Variants in NUDT4 observed in about 807,000 individuals in gnomAD.
NUDT4 encodes the protein diphosphoinositol polyphosphate phosphohydrolase 2.
A neutral mutation model predicts 23.1 loss-of-function variants in NUDT4; 5 were observed. The ratio of observed to expected loss-of-function variants is 0.22; its 90% CI spans 0.11 to 0.46. NUDT4 has a LOEUF of 0.46. Among genes scored for constraint, NUDT4 ranks in the 20% least tolerant of loss-of-function variants. The probability of loss-of-function intolerance (pLI) is 0.99; values close to 1 mark genes in which losing one functional copy is unlikely to be tolerated. For missense variants in NUDT4, 96 were observed against 211.6 expected (o/e 0.45, Z 3.39); for synonymous variants, 50 against 79.0 (o/e 0.63, Z 1.95).
chr12:93,382,674 C>CT (rs11315217), intron 1 of NUDT4, among the ~76,000 whole-genome samples: 6,251 of 111,582 alleles, frequency 0.056, 454 homozygotes, highest in African/African-American at 0.11. Context: ...CAAAGGTAGC[C>CT]TTTTTTTTTT....
rs57594211 is a variant in NUDT4, at chr12:93,378,739, G to A, written c.99+318G>A. 3.1e-3 allele frequency: 3,316 copies of A among 1,061,250 alleles called. 83 individuals are homozygous for A. The African/African-American group carries it at 0.05, about 16-fold the overall frequency. 65.7% of individuals were successfully genotyped at this position (1,061,250 alleles called of 1,614,324 possible). A position where few individuals can be genotyped will look rare whatever the true frequency, so the allele number is the denominator to read the frequency against. On this transcript the variant is annotated intron_variant, in intron 1 of 4. Transcript: ENST00000415493. ...GTCACCATCTTAACGTGCGAATTGA[G>A]TTGAAAGCCGGATAAACCTCGAGTG...
chr12:93,387,057 G>A (rs140521584), intron 1 of NUDT4, among the ~76,000 whole-genome samples: 14,605 of 151,850 alleles, frequency 0.096, 968 homozygotes, highest in East Asian at 0.18. Flanking sequence ...TCAGCCTCCC[G>A]AGTAGCTGGG....
intron 1 of NUDT4, among the ~76,000 whole-genome samples, chr12:93,383,315 A>G (rs1255199455): frequency 6.6e-6 from 1 of 152,038 alleles, no homozygotes; most frequent in East Asian, 1.9e-4. Context: ...AGAAGTACTA[A>G]TTTTCTTAAT....
chr12:93,378,461 G>A, intron 1 of NUDT4, 40 bp downstream of exon 1: 2 of 1,510,154 alleles, frequency 1.3e-6, no homozygotes, highest in Non-Finnish European at 1.8e-6. Context: ...CCGGGGCGCC[G>A]GGGTCTAGGG....
chr12:93,395,740 A>T (rs1422037840), intron 3 of NUDT4, among the ~76,000 whole-genome samples: 4 of 151,930 alleles, frequency 2.6e-5, no homozygotes, highest in Non-Finnish European at 5.9e-5. Flanking sequence ...AATTTTTTTT[A>T]AGACAGAGTC....
At chr12:93,382,665 A>G (rs921569683) in intron 1 of NUDT4, among the ~76,000 whole-genome samples, 1 of 133,456 alleles carries the variant, frequency 7.5e-6, no homozygotes, top group East Asian at 2.2e-4. Flanking sequence ...AGTACTATCC[A>G]AAGGTAGCCT....
rs145265310 is a variant in NUDT4, at chr12:93,384,392, C to T, written c.99+5971C>T. The stretch of plus-strand genomic sequence containing the variant: ...CTATGTTGGCCAGGATGGTCTTGAT[C>T]TCCTGACCTCGTGATCTGCCCACCT... On this transcript the variant is annotated intron_variant, in intron 1 of 4. Transcript: ENST00000415493. Among the ~76,000 whole-genome samples the T allele has an allele frequency of 3.7e-3, 570 of 152,196 alleles. 4 individuals are homozygous for T. Among genetic ancestry groups the T allele is most frequent in the African/African-American group, 0.013 (547 of 41,534 alleles).
At position 93,406,817 on chromosome 12, in the gene NUDT4, G is replaced by T. The variant is rs928791062; in HGVS notation, c.*7438G>T. The stretch of plus-strand genomic sequence containing the variant: ...GCATCTGCGAATTTGGATATCCAAA[G>T]GAAGTCCTAGAACCAGTTCCCGACA... On this transcript the variant is annotated 3_prime_UTR_variant, in exon 5 of 5. Transcript: ENST00000415493. 7.9e-5 allele frequency: 12 copies of T among 152,144 alleles called. No individual in the cohort carries two copies. Among genetic ancestry groups the T allele is most frequent in the Admixed American group, 2.6e-4 (4 of 15,272 alleles). The allele number at this position is 152,144 out of a possible 1,614,324, so 9.4% of individuals were successfully genotyped here.
rs1221108034 is a variant in NUDT4, at chr12:93,406,660, AAAC to A, written c.*7284_*7286del. ...ATGTATATTTTTGTCATTATTCCTT[AAAC>A]AATAGTGTAACTATTTACATAGCAC... On this transcript the variant is annotated 3_prime_UTR_variant, in exon 5 of 5. Coordinates refer to ENST00000415493, the MANE Select transcript of NUDT4 (RefSeq NM_019094.6). 4.6e-5 allele frequency: 7 copies of A among 152,372 alleles called. No homozygotes were observed. Among genetic ancestry groups the A allele is most frequent in the East Asian group, 1.9e-4 (1 of 5,192 alleles). 9.4% of individuals were successfully genotyped at this position (152,372 alleles called of 1,614,324 possible).
Position 93,394,698 on chromosome 12 carries a change from C to T in NUDT4, c.189C>T (p.Ala63=), listed in dbSNP as rs200556107. ...MEPEEEPGGA[A]VREVYEEAGV... is the part of the protein sequence containing the mutation. ...CCGAGGAGGAACCTGGCGGTGCTGC[C>T]GTGAGGGAAGTTTATGAGGAGGTGA... is the stretch of plus-strand genomic sequence containing the variant. The change falls in exon 2 of 5, where the codon GCC becomes GCT. Residue 63 remains alanine, a synonymous_variant. Transcript: ENST00000415493. 1.9e-5 allele frequency: 30 copies of T among 1,550,100 alleles called. No homozygotes were observed. The East Asian group carries it at 2.9e-4, about 15-fold the overall frequency.
intron 3 of NUDT4, 121 bp downstream of exon 3, chr12:93,395,654 A>C: frequency 2.7e-6 from 2 of 736,378 alleles, no homozygotes; most frequent in Non-Finnish European, 4.8e-6. Flanking sequence ...GTAGGCAGTC[A>C]GTCCAGGATT....
rs1327386661 is a variant in NUDT4 at position 93,399,518 on chromosome 12, TC to T, written c.*140del. 2.3e-6 allele frequency: 1 copy of T among 428,730 alleles called. No individual in the cohort carries two copies. Among genetic ancestry groups the T allele is most frequent in the African/African-American group, 2.2e-5 (1 of 44,600 alleles). The allele number at this position is 428,730 out of a possible 1,614,324, so 26.6% of individuals were successfully genotyped here. ...GGTTTTCAAACAATTTGCATGTTTTTCAGATGCTTTCAAATCTTTTTTTAAA... is the reference window on the plus strand; with the variant it reads ...GGTTTTCAAACAATTTGCATGTTTTTAGATGCTTTCAAATCTTTTTTTAAA... On this transcript the variant is annotated 3_prime_UTR_variant, in exon 5 of 5. Coordinates refer to ENST00000415493, the MANE Select transcript of NUDT4 (RefSeq NM_019094.6).
chr12:93,403,792 G>A lies in NUDT4; in HGVS notation c.*4413G>A, dbSNP rs1019384701. 6.6e-6 allele frequency: 1 copy of A among 152,146 alleles called. No individual in the cohort carries two copies. Among genetic ancestry groups the A allele is most frequent in the East Asian group, 1.9e-4 (1 of 5,200 alleles). The allele number at this position is 152,146 out of a possible 1,614,324, so 9.4% of individuals were successfully genotyped here. A position where few individuals can be genotyped will look rare whatever the true frequency, so the allele number is the denominator to read the frequency against. Reference sequence around the variant, plus strand: ...AAGTCAGGATGAAAAGTAATCTATCGCTGGTGCTACTTTAATACCTTCCTG... The same window carrying A: ...AAGTCAGGATGAAAAGTAATCTATCACTGGTGCTACTTTAATACCTTCCTG... On this transcript the variant is annotated 3_prime_UTR_variant, in exon 5 of 5. Transcript: ENST00000415493.
At chr12:93,392,402 C>T (rs111888007) in intron 1 of NUDT4, among the ~76,000 whole-genome samples, 4,737 of 148,664 alleles carry the variant, frequency 0.032, 282 homozygotes, top group African/African-American at 0.11. Flanking sequence ...ATTACAGGTG[C>T]CTTCCACCAC....
chr12:93,387,183 C>G (rs1383885248), intron 1 of NUDT4, among the ~76,000 whole-genome samples: 2 of 152,124 alleles, frequency 1.3e-5, no homozygotes, highest in Non-Finnish European at 2.9e-5. Context: ...CCTCCTGCCT[C>G]GGCCTCCCAA....
chr12:93,404,907 G>GTAT lies in NUDT4; in HGVS notation c.*5529_*5530insATT, dbSNP rs1877717517. ...GTTTAAAATTTTTTTAATGTTTTAG[G>GTAT]TTTTTTTTTTTTTAAAAAAAATACT... On this transcript the variant is annotated 3_prime_UTR_variant, in exon 5 of 5. Coordinates refer to ENST00000415493, the MANE Select transcript of NUDT4 (RefSeq NM_019094.6). 6.9e-6 allele frequency: 1 copy of GTAT among 143,968 alleles called. No homozygotes were observed. Among genetic ancestry groups the GTAT allele is most frequent in the South Asian group, 2.2e-4 (1 of 4,528 alleles). 8.9% of individuals were successfully genotyped at this position (143,968 alleles called of 1,614,324 possible).
intron 1 of NUDT4, chr12:93,380,906 T>C (rs1875615590): frequency 6.6e-6 from 1 of 152,186 alleles, no homozygotes; most frequent in African/African-American, 2.4e-5. Flanking sequence ...AAGATTTAAA[T>C]GTATGTTTTG....
At position 93,400,378 on chromosome 12, in the gene NUDT4, C is replaced by T. The variant is rs1259916139; in HGVS notation, c.*999C>T. 24 of 151,976 alleles carry T rather than the reference C, an allele frequency of 1.6e-4. No individual in the cohort carries two copies. Among genetic ancestry groups the T allele is most frequent in the African/African-American group, 5.6e-4 (23 of 41,342 alleles). 9.4% of individuals were successfully genotyped at this position (151,976 alleles called of 1,614,324 possible). On this transcript the variant is annotated 3_prime_UTR_variant, in exon 5 of 5. Transcript: ENST00000415493. ...TTAGAGACTGAAGATTGTTAGGGCA[C>T]CTTAGAATGTCTCATCTTTTCTAGG...
chr12:93,389,921 A>G (rs61934275), intron 1 of NUDT4, among the ~76,000 whole-genome samples: 20 of 152,138 alleles, frequency 1.3e-4, no homozygotes, highest in Non-Finnish European at 2.8e-4. Context: ...AATCTGAAGC[A>G]TAAAATGTTT....
Sources: gnomAD v4.1 joint callset for allele counts (sites outside exome capture counted in the v4.1 genomes callset) on GRCh38, gnomAD v4.1.1 for gene constraint, MANE v1.5 for transcripts, NCBI Gene and HGNC (gene_info 2026-07-23, HGNC 2026-07-21) for gene names.